The following WDR72 variants were observed in gnomAD, a reference collection of about 807,000 sequenced individuals.
The protein encoded by WDR72 is WD repeat domain 72.
A neutral mutation model predicts 124.2 loss-of-function variants in WDR72; 120 were observed. The observed-to-expected ratio is 0.97, with a 90% CI of 0.83 to 1.12. The LOEUF is 1.12. WDR72 is among the 50% of genes most tolerant of loss of function. The pLI is 0.00. For synonymous variants in WDR72, 452 were observed against 441.7 expected (o/e 1.02, Z -0.29); for missense variants, 1,387 against 1,278.8 (o/e 1.08, Z -1.29).
At chr15:53,604,356 A>T (rs112972625) in intron 17 of WDR72, among the ~76,000 whole-genome samples, 2,585 of 152,264 alleles carry the variant, frequency 0.017, 29 homozygotes, top group Middle Eastern at 0.048. Flanking sequence ...ACTTGAATGT[A>T]AAACACAAAA....
rs1484934196 is a variant in WDR72 at position 53,616,263 on chromosome 15, T to A, written c.1963-20A>T. The A allele has an allele frequency of 1.9e-6, 3 of 1,580,216 alleles. No homozygotes were observed. The highest frequency in any genetic ancestry group is 1.7e-6 in the Non-Finnish European group (2 of 1,162,806). On this transcript the variant is annotated intron_variant, in intron 14 of 19. Transcript: ENST00000360509. ...AGTAACCTAAGGGAACAAAAAATAT[T>A]TGTGTCAAAGTTCTTGCTTATTATT...
At chr15:53,613,558 TTA>T in intron 16 of WDR72, 106 bp downstream of exon 16, 1 of 764,046 alleles carries the variant, frequency 1.3e-6, no homozygotes, top group East Asian at 2.6e-5. Context: ...AATCTATGTT[TTA>T]TATATGTTAT....
In WDR72 at chr15:53,706,034, C is replaced by G; in HGVS notation, c.995G>C (p.Arg332Thr). 1.2e-6 allele frequency: 2 copies of G among 1,614,026 alleles called. No individual in the cohort carries two copies. Among genetic ancestry groups the G allele is most frequent in the Non-Finnish European group, 1.7e-6 (2 of 1,179,998 alleles). ...AAGTACCTTGTAAAAAGGCTCTTTC[C>G]TTTCATTCATGTAGCCCATAACAAA... ...RPFVMGYMNE[R>T]KEPFYKVLFS... The change falls in exon 10 of 20, where the codon AGG becomes ACG. Residue 332 changes from arginine to threonine, a missense_variant. By Grantham distance (71) the Arg-to-Thr change is moderately conservative. Coordinates refer to ENST00000360509, the MANE Select transcript of WDR72 (RefSeq NM_182758.4).
chr15:53,585,480 G>T (rs958084238), intron 18 of WDR72, among the ~76,000 whole-genome samples: 1 of 151,984 alleles, frequency 6.6e-6, no homozygotes, highest in Non-Finnish European at 1.5e-5. Context: ...AGATTTGGGT[G>T]GGGACACAGA....
intron 18 of WDR72, among the ~76,000 whole-genome samples, chr15:53,533,882 A>T (rs1005739998): frequency 6.6e-6 from 1 of 152,144 alleles, no homozygotes; most frequent in African/African-American, 2.4e-5. Context: ...GTCAGTTAAC[A>T]TTATTTTTTC....
At chr15:53,673,422 A>T (rs1455890609) in intron 13 of WDR72, among the ~76,000 whole-genome samples, 1 of 152,224 alleles carries the variant, frequency 6.6e-6, no homozygotes, top group African/African-American at 2.4e-5. Context: ...ACACTTTATC[A>T]TGTTGTACAG....
intron 18 of WDR72, among the ~76,000 whole-genome samples, chr15:53,533,285 A>C (rs1247844495): frequency 6.6e-6 from 1 of 152,170 alleles, no homozygotes; most frequent in African/African-American, 2.4e-5. Flanking sequence ...CGCTAGTCTG[A>C]AAGTAAATCT....
intron 14 of WDR72, among the ~76,000 whole-genome samples, chr15:53,658,539 A>G (rs1226900794): frequency 1.3e-5 from 2 of 152,224 alleles, no homozygotes; most frequent in Admixed American, 1.3e-4. Context: ...GAACTCTGCC[A>G]TCTATACAAA....
In WDR72 at chr15:53,702,369, A is replaced by T; in HGVS notation, c.1349-15T>A. The T allele has an allele frequency of 6.4e-7, 1 of 1,572,954 alleles. No homozygotes were observed. The highest frequency in any genetic ancestry group is 8.7e-7 in the Non-Finnish European group (1 of 1,142,966). On this transcript the variant is annotated splice_polypyrimidine_tract_variant and intron_variant, in intron 11 of 19. Transcript: ENST00000360509. The stretch of plus-strand genomic sequence containing the variant: ...AGGGGGAGAATCTGAAAAACAATGA[A>T]ACACCAAATAATACAGATGTTATTT...
intron 1 of WDR72, among the ~76,000 whole-genome samples, chr15:53,736,468 G>A (rs2018357424): frequency 6.6e-6 from 1 of 152,220 alleles, no homozygotes; most frequent in South Asian, 2.1e-4. Flanking sequence ...CCTCAACAAG[G>A]AGTGTCATGA....
At chr15:53,741,305 T>C (rs1181927857) in intron 1 of WDR72, among the ~76,000 whole-genome samples, 1 of 152,206 alleles carries the variant, frequency 6.6e-6, no homozygotes, top group Non-Finnish European at 1.5e-5. Flanking sequence ...AGCCACAGGA[T>C]TCCTAACACA....
At chr15:53,564,652 AC>A (rs1454026498) in intron 18 of WDR72, among the ~76,000 whole-genome samples, 1 of 151,846 alleles carries the variant, frequency 6.6e-6, no homozygotes, top group African/African-American at 2.4e-5. Flanking sequence ...GGCTGCTCTA[AC>A]CATTAGCATC....
At chr15:53,548,790 AG>A (rs1465545546) in intron 18 of WDR72, among the ~76,000 whole-genome samples, 1 of 152,182 alleles carries the variant, frequency 6.6e-6, no homozygotes, top group Admixed American at 6.5e-5. Flanking sequence ...ATTTGCTAGA[AG>A]GGGCTTGTAA....
chr15:53,638,607 G>A (rs1376332133), intron 14 of WDR72, among the ~76,000 whole-genome samples: 2 of 130,824 alleles, frequency 1.5e-5, no homozygotes, highest in Admixed American at 8.3e-5. Flanking sequence ...TTTTGGTACA[G>A]ACTGGCCTTG....
intron 14 of WDR72, among the ~76,000 whole-genome samples, chr15:53,633,945 T>A (rs1480894620): frequency 6.6e-6 from 1 of 152,112 alleles, no homozygotes; most frequent in African/African-American, 2.4e-5. Flanking sequence ...TACATTGAAC[T>A]TTTTTTAAAG....
intron 18 of WDR72, among the ~76,000 whole-genome samples, chr15:53,547,804 TG>T (rs904536880): frequency 6.6e-6 from 1 of 152,124 alleles, no homozygotes; most frequent in Non-Finnish European, 1.5e-5. Context: ...ATAGAGGAAT[TG>T]ATCTGGTGGT....
Position 53,615,806 on chromosome 15 carries a change from A to G in WDR72, c.2400T>C (p.Ser800=). 6.2e-7 allele frequency: 1 copy of G among 1,613,664 alleles called. No individual in the cohort carries two copies. Among genetic ancestry groups the G allele is most frequent in the African/African-American group, 1.3e-5 (1 of 75,026 alleles). The change falls in exon 15 of 20, where the codon TCT becomes TCC. Residue 800 remains serine (S), a synonymous_variant. Transcript: ENST00000360509. ...TATCCACTCCCCATGGCAAAAGGCA[A>G]GACAGAAACAATTTTGCTGTGTCTA... The part of the protein sequence containing the change: ...LTIDTAKLFL[S]CLLPWGVDKD...
rs1555419637 is a variant in WDR72, at chr15:53,655,259, A to AG, written c.1962+10312_1962+10313insC. Among the ~76,000 whole-genome samples the AG allele has an allele frequency of 3.7e-3, 447 of 119,478 alleles. 38 individuals carry two copies. The highest frequency in any genetic ancestry group is 0.021 in the East Asian group (72 of 3,390). The allele number at this position is 119,478 out of a possible 152,430, so 78.4% of individuals were successfully genotyped here. ...AAAAAAAAAAAAAAAAAAAAAAAAA[A>AG]AGAGATCTTAAAGACAATTTGTTAC... On this transcript the variant is annotated intron_variant, in intron 14 of 19. Coordinates refer to ENST00000360509, the MANE Select transcript of WDR72 (RefSeq NM_182758.4).
chr15:53,567,576 A>T (rs1242399436), intron 18 of WDR72, among the ~76,000 whole-genome samples: 1 of 152,082 alleles, frequency 6.6e-6, no homozygotes, highest in Non-Finnish European at 1.5e-5. Context: ...TTTTGTTTAT[A>T]TAACCAGTTT....
Sources: gnomAD v4.1 joint callset for allele counts (sites outside exome capture counted in the v4.1 genomes callset) on GRCh38, gnomAD v4.1.1 for gene constraint, MANE v1.5 for transcripts, NCBI Gene and HGNC (gene_info 2026-07-23, HGNC 2026-07-21) for gene names.